The following USH2A variants were observed in gnomAD, a reference collection of about 807,000 sequenced individuals.
USH2A encodes the protein Usher syndrome 2A (autosomal recessive, mild).
USH2A carries 443 observed loss-of-function variants against 538.9 expected under a neutral mutation model. That is an observed-to-expected ratio of 0.82 (90% CI 0.76 to 0.89). The LOEUF (loss-of-function observed/expected upper bound fraction) is 0.89, where lower values mean the gene tolerates loss of function less well. Among genes scored for constraint, USH2A ranks in the 40% least tolerant of loss-of-function variants. The probability of loss-of-function intolerance (pLI) is 0.00; values close to 1 mark genes in which losing one functional copy is unlikely to be tolerated. For synonymous variants in USH2A, 2,413 were observed against 2,273.5 expected, an observed-to-expected ratio of 1.06 and a Z score of -1.75; for missense variants, 6,633 against 6,324.8, an observed-to-expected ratio of 1.05 and a Z score of -1.65.
chr1:215,710,281 C>T (rs1659302439), intron 61 of USH2A, among the ~76,000 whole-genome samples: 1 of 152,174 alleles, frequency 6.6e-6, no homozygotes, highest in African/African-American at 2.4e-5. Context: ...AAGATGAGGG[C>T]TGCCCAATTC....
At chr1:216,173,199 C>T (rs1340776413) in intron 21 of USH2A, among the ~76,000 whole-genome samples, 1 of 152,102 alleles carries the variant, frequency 6.6e-6, no homozygotes, top group African/African-American at 2.4e-5. Flanking sequence ...CCTGTCCTAG[C>T]TCATTAATTG....
chr1:216,348,511 C>T (rs763838830), intron 4 of USH2A, among the ~76,000 whole-genome samples: 7 of 151,982 alleles, frequency 4.6e-5, no homozygotes, highest in Non-Finnish European at 1.0e-4. Context: ...TTGTACAAAC[C>T]CAGGGCTGGG....
intron 4 of USH2A, among the ~76,000 whole-genome samples, chr1:216,327,942 CA>C (rs959694159): frequency 1.3e-5 from 2 of 152,192 alleles, no homozygotes; most frequent in African/African-American, 4.8e-5. Context: ...CTTCCCAAGT[CA>C]AATTTCTCTC....
rs1207715644 is a variant in USH2A, at chr1:215,652,323, A to G, written c.14134-1522T>C. Reference sequence around the variant, plus strand: ...GGGTTTTTGATTCTGTATGCCATCCATATGCATAAATAAAATAGTCAGAAT... The same window carrying G: ...GGGTTTTTGATTCTGTATGCCATCCGTATGCATAAATAAAATAGTCAGAAT... On this transcript the variant is annotated intron_variant, in intron 64 of 71. Coordinates refer to ENST00000307340, the MANE Select transcript of USH2A (RefSeq NM_206933.4). 2.0e-5 allele frequency among the ~76,000 whole-genome samples: 3 copies of G among 152,258 alleles called. No homozygotes were observed. The East Asian group carries it at 5.8e-4, about 29-fold the overall frequency.
chr1:216,261,307 A>G (rs966967609), intron 11 of USH2A, among the ~76,000 whole-genome samples: 1 of 151,984 alleles, frequency 6.6e-6, no homozygotes, highest in Non-Finnish European at 1.5e-5. Context: ...GGTGAAAGAA[A>G]GAATTCTTAA....
chr1:215,912,611 C>T (rs181061647), intron 38 of USH2A, among the ~76,000 whole-genome samples: 101 of 151,284 alleles, frequency 6.7e-4, no homozygotes, highest in African/African-American at 2.1e-3. Context: ...TATCCATCCC[C>T]GCAAGCATTT....
rs2102654234 is a variant in USH2A, at chr1:216,324,290, C to T, written c.1206G>A (p.Lys402=). The change falls in exon 7 of 72, where the codon AAG becomes AAA. Residue 402 remains lysine, a synonymous_variant. Transcript: ENST00000307340. ...CCTCCCAATCTAAACTATTTTCCTT[C>T]TTCCTTTGAATCCTTATTTCCGTTG... ...PQPTEIRIQR[K]KENSLDWEDW... is the part of the protein sequence containing the mutation. 1 of 1,613,130 alleles carries T rather than the reference C, an allele frequency of 6.2e-7. No homozygotes were observed. The highest frequency in any genetic ancestry group is 2.2e-5 in the East Asian group (1 of 44,668).
chr1:216,221,982 T>C (rs1333695671), intron 14 of USH2A, among the ~76,000 whole-genome samples: 2 of 152,214 alleles, frequency 1.3e-5, no homozygotes, highest in Non-Finnish European at 2.9e-5. Context: ...CATGAGCTAC[T>C]TCATGAGACA....
chr1:215,738,880 C>A (rs1032611394), intron 60 of USH2A, among the ~76,000 whole-genome samples: 2 of 152,100 alleles, frequency 1.3e-5, no homozygotes, highest in African/African-American at 4.8e-5. Flanking sequence ...GTGGCTATAA[C>A]TATATAAAGG....
intron 27 of USH2A, among the ~76,000 whole-genome samples, chr1:216,074,340 C>CAT (rs1482541893): frequency 6.6e-6 from 1 of 151,722 alleles, no homozygotes; most frequent in Non-Finnish European, 1.5e-5. Flanking sequence ...CTCTCTCTCT[C>CAT]TCTCTCTCTC....
chr1:215,897,800 C>G (rs1258224927), intron 40 of USH2A, among the ~76,000 whole-genome samples: 3 of 151,522 alleles, frequency 2.0e-5, no homozygotes, highest in South Asian at 2.1e-4. Context: ...AAGAAAGAAA[C>G]AAAGAAAGAA....
chr1:215,892,591 A>C (rs1229805236), intron 40 of USH2A, among the ~76,000 whole-genome samples: 1 of 152,148 alleles, frequency 6.6e-6, no homozygotes, highest in South Asian at 2.1e-4. Flanking sequence ...TACCCCAACT[A>C]CTTCCCAAAA....
chr1:216,415,530 T>G, intron 3 of USH2A, among the ~76,000 whole-genome samples: 1 of 76,090 alleles, frequency 1.3e-5, no homozygotes. Context: ...TTTTTTTTTT[T>G]TTTCAGACAG....
chr1:215,788,843 C>G (rs183095654), intron 51 of USH2A, among the ~76,000 whole-genome samples: 1 of 151,970 alleles, frequency 6.6e-6, no homozygotes, highest in African/African-American at 2.4e-5. Context: ...ATACATTAAG[C>G]TTTTAAAAAA....
At chr1:215,709,809 C>T (rs1453645416) in intron 61 of USH2A, among the ~76,000 whole-genome samples, 1 of 152,168 alleles carries the variant, frequency 6.6e-6, no homozygotes, top group African/African-American at 2.4e-5. Context: ...GTCACAAAAT[C>T]ATACTAAACC....
intron 55 of USH2A, among the ~76,000 whole-genome samples, chr1:215,778,338 C>T (rs1180498998): frequency 2.0e-5 from 3 of 152,166 alleles, no homozygotes; most frequent in African/African-American, 4.8e-5. Flanking sequence ...AGGCATGAGC[C>T]ACCGCACCCA....
intron 44 of USH2A, among the ~76,000 whole-genome samples, chr1:215,853,729 C>T (rs1157901915): frequency 1.3e-5 from 2 of 152,294 alleles, no homozygotes; most frequent in African/African-American, 4.8e-5. Context: ...TTCCACAAAT[C>T]TCTAGGGCAG....
chr1:216,175,418 C>T lies in USH2A; in HGVS notation c.4461G>A (p.Trp1487Ter). Reference sequence around the variant, plus strand: ...GTCCATTCAGTTCTTCAGGTGGAAACCACCTAAGATGGATTGTTGTGCTGT... The same window carrying T: ...GTCCATTCAGTTCTTCAGGTGGAAATCACCTAAGATGGATTGTTGTGCTGT... ...GINSTTIHLR[W>*]FPPEELNGPS... The change falls in exon 21 of 72, where the codon TGG becomes TGA. Residue 1487 changes from tryptophan to a stop codon, truncating the protein, a stop_gained. Transcript: ENST00000307340. LOFTEE classifies it high-confidence loss of function. 1 of 1,613,802 alleles carries T rather than the reference C, an allele frequency of 6.2e-7. No individual in the cohort carries two copies. Among genetic ancestry groups the T allele is most frequent in the Non-Finnish European group, 8.5e-7 (1 of 1,179,878 alleles).
intron 11 of USH2A, among the ~76,000 whole-genome samples, chr1:216,257,889 C>G (rs2036289535): frequency 6.6e-6 from 1 of 151,842 alleles, no homozygotes; most frequent in Non-Finnish European, 1.5e-5. Context: ...AGGTTTTTCT[C>G]TGGAATTTTG....
Sources: allele counts gnomAD v4.1 joint callset (sites outside exome capture counted in the v4.1 genomes callset), GRCh38; gene constraint gnomAD v4.1.1; transcripts MANE v1.5; gene names NCBI Gene and HGNC (gene_info 2026-07-23, HGNC 2026-07-21).